The following IREB2 variants were observed in gnomAD, a reference collection of about 807,000 sequenced individuals.
IREB2 encodes iron-responsive element-binding protein 2.
A neutral mutation model predicts 118.8 loss-of-function variants in IREB2; 39 were observed. The observed-to-expected ratio is 0.33, with a 90% CI of 0.25 to 0.43. The LOEUF (loss-of-function observed/expected upper bound fraction) is 0.43. IREB2 is among the 20% of genes least tolerant of loss of function. The probability of loss-of-function intolerance (pLI) is 1.00; values close to 1 mark genes in which losing one functional copy is unlikely to be tolerated. For missense variants in IREB2, 900 were observed against 1,147.3 expected, an observed-to-expected ratio of 0.78 and a Z score of 3.11; for synonymous variants, 372 against 392.2, an observed-to-expected ratio of 0.95 and a Z score of 0.61.
chr15:78,498,262 G>A lies in IREB2; in HGVS notation c.*119G>A. On this transcript the variant is annotated 3_prime_UTR_variant, in exon 22 of 22. Transcript: ENST00000258886. ...CAGTATACTCACTTATCTCATCCAT[G>A]GATGTAAATGATGATGAATCAACAT... 3.6e-6 allele frequency: 2 copies of A among 559,914 alleles called. No homozygotes were observed. The highest frequency in any genetic ancestry group is 2.5e-5 in the South Asian group (1 of 39,470). The allele number at this position is 559,914 out of a possible 1,614,324, so 34.7% of individuals were successfully genotyped here.
intron 2 of IREB2, among the ~76,000 whole-genome samples, chr15:78,458,047 T>C (rs898134237): frequency 4.6e-5 from 7 of 152,170 alleles, no homozygotes; most frequent in African/African-American, 1.7e-4. Context: ...GTAAGGAAGA[T>C]ATTCTTCACA....
rs1385129019 is a variant in IREB2, at chr15:78,499,454, T to C, written c.*1311T>C. The C allele has an allele frequency of 6.6e-6, 1 of 152,182 alleles. No homozygotes were observed. The highest frequency in any genetic ancestry group is 2.4e-5 in the African/African-American group (1 of 41,436). 9.4% of individuals were successfully genotyped at this position (152,182 alleles called of 1,614,324 possible). A position where few individuals can be genotyped will look rare whatever the true frequency, so the allele number is the denominator to read the frequency against. ...ACATAGATATCTTTCTATGACCTAG[T>C]TAGTTACTGCAATTCAGAATTAGTT... On this transcript the variant is annotated 3_prime_UTR_variant, in exon 22 of 22. Coordinates refer to ENST00000258886, the MANE Select transcript of IREB2 (RefSeq NM_004136.4).
Position 78,463,043 on chromosome 15 carries a change from TGAA to T in IREB2, c.230_232del (p.Glu77del). 1 of 1,609,964 alleles carries T rather than the reference TGAA, an allele frequency of 6.2e-7. No individual in the cohort carries two copies. The highest frequency in any genetic ancestry group is 8.5e-7 in the Non-Finnish European group (1 of 1,179,022). ...ACTGGAAAACCAAACAAAGCAATGT[TGAA>T]GTGCCCTTTTTCCCTGCCCGTGTTC... is the stretch of plus-strand genomic sequence containing the variant. On this transcript the variant is annotated inframe_deletion, in exon 3 of 22. Transcript: ENST00000258886.
chr15:78,441,883 TTTTTATTTTA>T (rs557686274), intron 2 of IREB2, among the ~76,000 whole-genome samples: 18 of 151,946 alleles, frequency 1.2e-4, no homozygotes, highest in African/African-American at 2.2e-4. Context: ...AGTACCCTGG[TTTTTATTTTA>T]TTTTATTTTA....
At chr15:78,472,702 G>C (rs766012597) in intron 7 of IREB2, among the ~76,000 whole-genome samples, 2 of 152,104 alleles carry the variant, frequency 1.3e-5, no homozygotes, top group Non-Finnish European at 2.9e-5. Context: ...CTTTGCATAG[G>C]CTATTTCTTC....
chr15:78,445,263 G>T (rs189694591), intron 2 of IREB2, among the ~76,000 whole-genome samples: 2 of 152,038 alleles, frequency 1.3e-5, no homozygotes, highest in East Asian at 3.9e-4. Context: ...TCAGCCTCTG[G>T]AGTAGCTGGG....
chr15:78,442,231 G>A (rs2050855714), intron 2 of IREB2, among the ~76,000 whole-genome samples: 1 of 141,662 alleles, frequency 7.1e-6, no homozygotes, highest in South Asian at 2.2e-4. Context: ...TATTATGAGA[G>A]GTTATTAAGT....
At chr15:78,462,292 T>C (rs2051210507) in intron 2 of IREB2, among the ~76,000 whole-genome samples, 1 of 152,216 alleles carries the variant, frequency 6.6e-6, no homozygotes, top group Non-Finnish European at 1.5e-5. Flanking sequence ...TAATTCAGTC[T>C]TCTCTTTAAA....
intron 2 of IREB2, among the ~76,000 whole-genome samples, chr15:78,443,013 C>G (rs8041628): frequency 0.37 from 55,548 of 152,082 alleles, 10,864 homozygotes; most frequent in East Asian, 0.48. Context: ...TCAAGGTCTT[C>G]TCTTACTCAT....
rs747805206 is a variant in IREB2, at chr15:78,499,412, T to A, written c.*1269T>A. 9 of 152,170 alleles carry A rather than the reference T, an allele frequency of 5.9e-5. No individual in the cohort carries two copies. The highest frequency in any genetic ancestry group is 2.6e-4 in the Admixed American group (4 of 15,276). 9.4% of individuals were successfully genotyped at this position (152,170 alleles called of 1,614,324 possible). ...TAAGTCTAGCAGGCTAAAGGTTAAT[T>A]GTAGTGATTTTTTTTCACATAGATA... On this transcript the variant is annotated 3_prime_UTR_variant, in exon 22 of 22. Coordinates refer to ENST00000258886, the MANE Select transcript of IREB2 (RefSeq NM_004136.4).
chr15:78,462,043 A>G (rs1450039996), intron 2 of IREB2, among the ~76,000 whole-genome samples: 1 of 152,162 alleles, frequency 6.6e-6, no homozygotes, highest in East Asian at 1.9e-4. Context: ...TATATTTCTC[A>G]TAATACACAT....
intron 2 of IREB2, among the ~76,000 whole-genome samples, chr15:78,441,621 A>G (rs1413680995): frequency 1.3e-5 from 2 of 152,236 alleles, no homozygotes; most frequent in Admixed American, 1.3e-4. Flanking sequence ...AAATTTCTCA[A>G]ATTTAAGGAA....
At chr15:78,459,345 G>T (rs376890254) in intron 2 of IREB2, among the ~76,000 whole-genome samples, 1 of 148,164 alleles carries the variant, frequency 6.7e-6, no homozygotes, top group African/African-American at 2.4e-5. Context: ...TGTTTGTTTT[G>T]GTTTTTTTGT....
chr15:78,482,751 GT>G lies in IREB2; in HGVS notation c.1297-553del, dbSNP rs11444966. ...TGGGAAAAAACACTTGGGAAACCAG[GT>G]TTTTTTTTTTTTTGAGACGGAGTCT... On this transcript the variant is annotated intron_variant, in intron 10 of 21. Coordinates refer to ENST00000258886, the MANE Select transcript of IREB2 (RefSeq NM_004136.4). 6.1e-4 allele frequency among the ~76,000 whole-genome samples: 89 copies of G among 145,544 alleles called. No individual in the cohort carries two copies. In the South Asian group the frequency reaches 1.0e-2, roughly 16 times the overall value.
chr15:78,477,121 C>T (rs2141498908), intron 9 of IREB2, among the ~76,000 whole-genome samples: 1 of 152,172 alleles, frequency 6.6e-6, no homozygotes, highest in South Asian at 2.1e-4. Flanking sequence ...GAATGATCCC[C>T]CCAAGTGCAA....
chr15:78,438,943 A>G (rs193175234), intron 1 of IREB2: 1 of 152,276 alleles, frequency 6.6e-6, no homozygotes, highest in East Asian at 1.9e-4. Flanking sequence ...AGAAAAAAAT[A>G]CTATTCATTC....
At chr15:78,494,103 A>C in intron 19 of IREB2, 39 bp from the exon 20 acceptor site, 1 of 1,613,026 alleles carries the variant, frequency 6.2e-7, no homozygotes, top group Non-Finnish European at 8.5e-7. Context: ...CTGGATCAAA[A>C]TTTGTATTAA....
intron 2 of IREB2, among the ~76,000 whole-genome samples, chr15:78,444,705 A>T (rs1356754476): frequency 1.3e-5 from 2 of 152,354 alleles, no homozygotes; most frequent in East Asian, 3.9e-4. Flanking sequence ...ACAAAAATAT[A>T]TGTAAATATG....
At chr15:78,446,904 G>T (rs971458846) in intron 2 of IREB2, among the ~76,000 whole-genome samples, 1 of 152,050 alleles carries the variant, frequency 6.6e-6, no homozygotes, top group South Asian at 2.1e-4. Context: ...TGAATGAGAA[G>T]AATATGTGTT....
Sources: allele counts gnomAD v4.1 joint callset (sites outside exome capture counted in the v4.1 genomes callset), GRCh38; gene constraint gnomAD v4.1.1; transcripts MANE v1.5; gene names NCBI Gene and HGNC (gene_info 2026-07-23, HGNC 2026-07-21).